The following NAV3 variants were observed in gnomAD, a reference collection of about 807,000 sequenced individuals.
NAV3 encodes neuron navigator 3.
A neutral mutation model predicts 244.7 loss-of-function variants in NAV3; 87 were observed. That is an observed-to-expected ratio of 0.36 (90% CI 0.30 to 0.42). NAV3 has a LOEUF of 0.42. Among genes scored for constraint, NAV3 ranks in the 20% least tolerant of loss-of-function variants. The pLI is 1.00. For missense variants in NAV3, 2,663 were observed against 2,893.3 expected (o/e 0.92, Z 1.83); for synonymous variants, 1,126 against 1,042.2 (o/e 1.08, Z -1.55).
At chr12:78,072,020 G>A (rs941827714) in intron 12 of NAV3, among the ~76,000 whole-genome samples, 6 of 152,056 alleles carry the variant, frequency 3.9e-5, no homozygotes, top group Non-Finnish European at 8.8e-5. Flanking sequence ...AGAATCTCTG[G>A]GACGCATTCA....
Position 78,059,042 on chromosome 12 carries a change from C to G in NAV3, c.2563C>G (p.Arg855Gly), listed in dbSNP as rs778210806. The G allele has an allele frequency of 1.2e-5, 20 of 1,609,968 alleles. No homozygotes were observed. In the South Asian group the frequency reaches 2.2e-4, roughly 18 times the overall value. The change falls in exon 12 of 40, where the codon CGA (arginine) becomes GGA (glycine). Residue 855 changes from arginine to glycine, a missense_variant. Physicochemically the swap from Arg to Gly is moderately radical, Grantham distance 125. This residue lies in a region of NAV3 where 1,521 missense variants were observed against 1,497.0 expected (regional missense o/e 1.02). Transcript: ENST00000397909. Reference protein sequence around the residue: ...GLNLYTRSLNRIPDTATSRDI... With the variant: ...GLNLYTRSLNGIPDTATSRDI... The stretch of plus-strand genomic sequence containing the variant: ...TAACCTATATACTAGAAGTCTGAAC[C>G]GAATACCAGACACAGCAACTTCCCG...
chr12:77,927,154 G>T (rs965602299), intron 1 of NAV3, among the ~76,000 whole-genome samples: 1 of 152,142 alleles, frequency 6.6e-6, no homozygotes, highest in Non-Finnish European at 1.5e-5. Context: ...TTTCATAACT[G>T]TTTTTTAAAA....
chr12:77,816,690 C>T (rs1872540022), intron 2 of NAV3, among the ~76,000 whole-genome samples: 1 of 152,124 alleles, frequency 6.6e-6, no homozygotes, highest in Non-Finnish European at 1.5e-5. Flanking sequence ...GTGCCATTTA[C>T]CTCCATGTTT....
In NAV3 at chr12:77,656,591, C is replaced by T. The variant is rs1282383231; in HGVS notation, c.72+84325C>T. On this transcript the variant is annotated intron_variant, in intron 2 of 8. Transcript: ENST00000550042. ...AAGGATACCCAGGAATTGAACTCAG[C>T]TCTGCACCAAGCGGACCTAATAGAC... Among the ~76,000 whole-genome samples, 2 of 131,602 alleles carry T rather than the reference C, an allele frequency of 1.5e-5. 1 individual carries two copies. Among genetic ancestry groups the T allele is most frequent in the Non-Finnish European group, 3.1e-5 (2 of 64,246 alleles). The allele number at this position is 131,602 out of a possible 152,430, so 86.3% of individuals were successfully genotyped here.
chr12:78,152,299 G>T (rs1957108472), intron 22 of NAV3, among the ~76,000 whole-genome samples: 1 of 151,494 alleles, frequency 6.6e-6, no homozygotes, highest in African/African-American at 2.4e-5. Flanking sequence ...TGCAGTATCT[G>T]GGAATTTATA....
At chr12:77,780,478 A>G (rs1179860182) in intron 2 of NAV3, among the ~76,000 whole-genome samples, 2 of 152,238 alleles carry the variant, frequency 1.3e-5, no homozygotes, top group Non-Finnish European at 2.9e-5. Flanking sequence ...ATAAAGGTCA[A>G]GATTATACAA....
chr12:77,880,375 C>T (rs1341644940), intron 1 of NAV3, among the ~76,000 whole-genome samples: 2 of 152,118 alleles, frequency 1.3e-5, no homozygotes, highest in Non-Finnish European at 2.9e-5. Flanking sequence ...ACAGTAACTT[C>T]ATAGAGGCTC....
intron 22 of NAV3, 113 bp from the exon 23 acceptor site, chr12:78,159,090 A>G (rs780490464): frequency 1.4e-6 from 1 of 694,182 alleles, no homozygotes; most frequent in African/African-American, 1.8e-5. Flanking sequence ...TGATAGTCAT[A>G]GTATTTAAAG....
At chr12:78,131,918 T>C (rs748708376) in intron 18 of NAV3, among the ~76,000 whole-genome samples, 2 of 152,176 alleles carry the variant, frequency 1.3e-5, no homozygotes, top group South Asian at 4.1e-4. Context: ...CTACATTTAA[T>C]TGAGTAGTAA....
chr12:77,631,947 AG>A (rs1871921685), intron 2 of NAV3, among the ~76,000 whole-genome samples: 1 of 152,220 alleles, frequency 6.6e-6, no homozygotes. Context: ...GGAAATCATT[AG>A]TACCTTTTCC....
chr12:78,012,340 A>G (rs1875447881), intron 8 of NAV3, among the ~76,000 whole-genome samples: 1 of 151,998 alleles, frequency 6.6e-6, no homozygotes, highest in African/African-American at 2.4e-5. Context: ...CTTTGCAGTA[A>G]CATCCTTCAC....
chr12:77,853,289 C>G (rs1278534389), intron 1 of NAV3, among the ~76,000 whole-genome samples: 1 of 152,156 alleles, frequency 6.6e-6, no homozygotes, highest in Admixed American at 6.5e-5. Flanking sequence ...CCGTTGTGTT[C>G]ATTCAGGTTT....
chr12:77,685,110 C>T (rs711138), intron 2 of NAV3, among the ~76,000 whole-genome samples: 147,144 of 152,294 alleles, frequency 0.97, 71,131 homozygotes, highest in East Asian at 1. Flanking sequence ...GAAGCTGAAA[C>T]TTTTAATGAG....
intron 1 of NAV3, among the ~76,000 whole-genome samples, chr12:77,856,171 A>C (rs1239203473): frequency 6.6e-6 from 1 of 152,106 alleles, no homozygotes; most frequent in Non-Finnish European, 1.5e-5. Context: ...TTACCAATGG[A>C]TATATATAAG....
At chr12:77,717,265 AC>A (rs1391001423) in intron 2 of NAV3, among the ~76,000 whole-genome samples, 2 of 152,034 alleles carry the variant, frequency 1.3e-5, no homozygotes, top group African/African-American at 4.8e-5. Flanking sequence ...TACCCATTGA[AC>A]AACTCCCTAT....
At chr12:77,947,261 T>C (rs1890438788) in intron 3 of NAV3, among the ~76,000 whole-genome samples, 1 of 152,058 alleles carries the variant, frequency 6.6e-6, no homozygotes, top group Non-Finnish European at 1.5e-5. Flanking sequence ...GGGATAGAAA[T>C]TTCTTGATCC....
rs1466071939 is a variant in NAV3, at chr12:78,073,719, G to T, written c.2636+14604G>T. 2.6e-5 allele frequency among the ~76,000 whole-genome samples: 4 copies of T among 152,102 alleles called. No individual in the cohort carries two copies. In the East Asian group the frequency reaches 7.7e-4, roughly 29 times the overall value. ...AAAGTTCATATGGAACCAAAAAAGA[G>T]CCCGCATCGCCAAGTCAATCCTAAG... On this transcript the variant is annotated intron_variant, in intron 12 of 39. Transcript: ENST00000397909.
At position 78,200,609 on chromosome 12, in the gene NAV3, C is replaced by A. The variant is rs376241179; in HGVS notation, c.6834+18C>A. The stretch of plus-strand genomic sequence containing the variant: ...GTCTTCAGGTATAGTACTCAATTTT[C>A]ATTGCTATTTTTTTTTAAAAAAAAA... On this transcript the variant is annotated intron_variant, in intron 38 of 39. Transcript: ENST00000397909. 8 of 1,271,850 alleles carry A rather than the reference C, an allele frequency of 6.3e-6. No individual in the cohort carries two copies. Among genetic ancestry groups the A allele is most frequent in the South Asian group, 1.7e-5 (1 of 60,578 alleles). The allele number at this position is 1,271,850 out of a possible 1,614,324, so 78.8% of individuals were successfully genotyped here.
intron 2 of NAV3, among the ~76,000 whole-genome samples, chr12:77,610,317 T>C (rs1870855218): frequency 6.6e-6 from 1 of 152,142 alleles, no homozygotes; most frequent in Non-Finnish European, 1.5e-5. Context: ...GTCTCTGATA[T>C]ATATACATTT....
Sources: gnomAD v4.1 joint callset for allele counts (sites outside exome capture counted in the v4.1 genomes callset) on GRCh38, gnomAD v4.1.1 for gene constraint, gnomAD v4.1.1 regional missense constraint, MANE v1.5 for transcripts, NCBI Gene and HGNC (gene_info 2026-07-23, HGNC 2026-07-21) for gene names.